The following SH3BGRL2 variants were observed in gnomAD, a reference collection of about 807,000 sequenced individuals.
The protein encoded by SH3BGRL2 is SH3 domain-binding glutamic acid-rich-like protein 2.
In SH3BGRL2, 21 loss-of-function variants were observed where a neutral mutation model predicts 14.8. The ratio of observed to expected loss-of-function variants is 1.42; its 90% CI spans 1.01 to 2.05. SH3BGRL2 has a LOEUF of 2.05. SH3BGRL2 is among the 30% of genes most tolerant of loss of function. The probability of loss-of-function intolerance (pLI) is 0.00; values close to 1 mark genes in which losing one functional copy is unlikely to be tolerated. For missense variants in SH3BGRL2, 147 were observed against 130.8 expected (o/e 1.12, Z -0.61); for synonymous variants, 50 against 47.8 (o/e 1.05, Z -0.19).
chr6:79,651,661 A>G (rs536130321), intron 1 of SH3BGRL2, among the ~76,000 whole-genome samples: 3 of 152,182 alleles, frequency 2.0e-5, no homozygotes, highest in Non-Finnish European at 4.4e-5. Flanking sequence ...ACTGAGACCC[A>G]TGGGGGTGCA....
the SH3BGRL2 span, among the ~76,000 whole-genome samples, chr6:79,592,761 A>G: frequency 6.6e-6 from 1 of 152,212 alleles, no homozygotes; most frequent in East Asian, 1.9e-4. Context: ...GACATGCATA[A>G]CGTCCTTTAA....
the SH3BGRL2 span, among the ~76,000 whole-genome samples, chr6:79,572,889 ATG>A: frequency 6.6e-6 from 1 of 152,198 alleles, no homozygotes; most frequent in Admixed American, 6.5e-5. Context: ...CACATACTCT[ATG>A]CTAAATATTT....
chr6:79,582,023 C>T, the SH3BGRL2 span, among the ~76,000 whole-genome samples: 1 of 152,144 alleles, frequency 6.6e-6, no homozygotes, highest in African/African-American at 2.4e-5. Context: ...CATGAGTGAA[C>T]TCCCATTCAC....
chr6:79,559,172 C>A, the SH3BGRL2 span, among the ~76,000 whole-genome samples: 1 of 152,106 alleles, frequency 6.6e-6, no homozygotes, highest in Non-Finnish European at 1.5e-5. Flanking sequence ...TGCTTTAAGA[C>A]CTGCAGATAG....
At chr6:79,602,290 A>G in the SH3BGRL2 span, among the ~76,000 whole-genome samples, 1 of 152,192 alleles carries the variant, frequency 6.6e-6, no homozygotes, top group Non-Finnish European at 1.5e-5. Context: ...AAATATATAA[A>G]TTACAATTAT....
chr6:79,553,851 C>G, the SH3BGRL2 span, among the ~76,000 whole-genome samples: 2 of 151,896 alleles, frequency 1.3e-5, no homozygotes, highest in Admixed American at 1.3e-4. Context: ...GCCTGTAATC[C>G]CAGCTACTCT....
rs1487140480 is a variant in SH3BGRL2, at chr6:79,703,058, T to C, written c.*3549T>C. 6.6e-6 allele frequency: 1 copy of C among 152,212 alleles called. No homozygotes were observed. Among genetic ancestry groups the C allele is most frequent in the Admixed American group, 6.5e-5 (1 of 15,282 alleles). The allele number at this position is 152,212 out of a possible 1,614,324, so 9.4% of individuals were successfully genotyped here. On this transcript the variant is annotated 3_prime_UTR_variant, in exon 4 of 4. Coordinates refer to ENST00000369838, the MANE Select transcript of SH3BGRL2 (RefSeq NM_031469.4). ...CGAGCTGTAGGTTTGCAGAAATGTG[T>C]GAAACCAAAATGATCACTGCCTACT...
chr6:79,602,255 G>A, the SH3BGRL2 span, among the ~76,000 whole-genome samples: 1 of 152,170 alleles, frequency 6.6e-6, no homozygotes, highest in Admixed American at 6.5e-5. Context: ...GGATGAGACA[G>A]AGGATAAACA....
the SH3BGRL2 span, among the ~76,000 whole-genome samples, chr6:79,567,391 T>A: frequency 2.0e-5 from 3 of 152,126 alleles, no homozygotes; most frequent in Non-Finnish European, 4.4e-5. Context: ...GTAGAGAGAA[T>A]TTGCCAGTAA....
chr6:79,656,640 A>T (rs1265426163), intron 1 of SH3BGRL2, among the ~76,000 whole-genome samples: 1 of 152,192 alleles, frequency 6.6e-6, no homozygotes, highest in African/African-American at 2.4e-5. Context: ...ATAAAAATTT[A>T]AAAAACAATA....
chr6:79,583,695 G>C, the SH3BGRL2 span, among the ~76,000 whole-genome samples: 1 of 152,172 alleles, frequency 6.6e-6, no homozygotes, highest in African/African-American at 2.4e-5. Flanking sequence ...ATGAGCTGAT[G>C]GGTGCAGCAA....
chr6:79,673,915 C>A, intron 2 of SH3BGRL2, 116 bp downstream of exon 2: 2 of 1,034,696 alleles, frequency 1.9e-6, no homozygotes, highest in Non-Finnish European at 2.8e-6. Flanking sequence ...AATGCCCATT[C>A]AGATCCACAT....
At chr6:79,589,660 C>T in the SH3BGRL2 span, among the ~76,000 whole-genome samples, 1 of 151,938 alleles carries the variant, frequency 6.6e-6, no homozygotes. Flanking sequence ...AATGGCCACG[C>T]TAGGTTCAAT....
At chr6:79,538,441 A>G in the SH3BGRL2 span, among the ~76,000 whole-genome samples, 1 of 152,114 alleles carries the variant, frequency 6.6e-6, no homozygotes, top group African/African-American at 2.4e-5. Flanking sequence ...AGACTAACCC[A>G]CCCAAACAAT....
chr6:79,658,362 A>C (rs1275988199), intron 1 of SH3BGRL2, among the ~76,000 whole-genome samples: 2 of 152,162 alleles, frequency 1.3e-5, no homozygotes, highest in Non-Finnish European at 2.9e-5. Flanking sequence ...CTCGTTGTTC[A>C]GTTCCCACCT....
At chr6:79,621,955 A>T in the SH3BGRL2 span, among the ~76,000 whole-genome samples, 415 of 152,194 alleles carry the variant, frequency 2.7e-3, 6 homozygotes, top group East Asian at 0.041. Flanking sequence ...GGCTGTGGCA[A>T]TCACCTTGCA....
At chr6:79,678,473 T>C (rs1408515892) in intron 2 of SH3BGRL2, among the ~76,000 whole-genome samples, 2 of 152,212 alleles carry the variant, frequency 1.3e-5, no homozygotes, top group Non-Finnish European at 2.9e-5. Context: ...TTTCCTTCCC[T>C]ATTAAGACTG....
chr6:79,661,375 C>A (rs1769543871), intron 1 of SH3BGRL2, among the ~76,000 whole-genome samples: 1 of 152,156 alleles, frequency 6.6e-6, no homozygotes, highest in Non-Finnish European at 1.5e-5. Context: ...TTTCTGCCTT[C>A]ATTTCGTTAT....
the SH3BGRL2 span, among the ~76,000 whole-genome samples, chr6:79,567,614 A>G: frequency 6.6e-6 from 1 of 152,252 alleles, no homozygotes; most frequent in Admixed American, 6.5e-5. Flanking sequence ...TCATAACCAA[A>G]AAATAAATTT....
Sources: gnomAD v4.1 joint callset for allele counts (sites outside exome capture counted in the v4.1 genomes callset) on GRCh38, gnomAD v4.1.1 for gene constraint, MANE v1.5 for transcripts, NCBI Gene and HGNC (gene_info 2026-07-23, HGNC 2026-07-21) for gene names.